Variants in EIPR1 observed in about 807,000 individuals in gnomAD.
EIPR1 encodes EARP and GARP complex-interacting protein 1.
Under a neutral mutation model 48.1 loss-of-function variants are expected in EIPR1, and 25 were observed. The ratio of observed to expected loss-of-function variants is 0.52; its 90% CI spans 0.38 to 0.73. EIPR1 has a LOEUF of 0.73. Among genes scored for constraint, EIPR1 ranks in the 30% least tolerant of loss-of-function variants. EIPR1 has a pLI of 0.00. For synonymous variants in EIPR1, 204 were observed against 201.9 expected (o/e 1.01, Z -0.09); for missense variants, 415 against 506.2 (o/e 0.82, Z 1.73).
intron 3 of EIPR1, among the ~76,000 whole-genome samples, chr2:3,326,666 C>T (rs1438114456): frequency 1.3e-5 from 2 of 152,192 alleles, no homozygotes; most frequent in East Asian, 1.9e-4. Context: ...GCGTCACACA[C>T]ATTTCACTTC....
chr2:3,364,311 C>A (rs1331719229), intron 1 of EIPR1, among the ~76,000 whole-genome samples: 3 of 152,154 alleles, frequency 2.0e-5, no homozygotes, highest in Non-Finnish European at 4.4e-5. Context: ...TATACATACA[C>A]AGTGAAATAT....
At chr2:3,194,739 G>GCTAT (rs947737628) in intron 6 of EIPR1, among the ~76,000 whole-genome samples, 5 of 151,960 alleles carry the variant, frequency 3.3e-5, no homozygotes, top group East Asian at 3.9e-4. Flanking sequence ...GAAGGGGCCG[G>GCTAT]CTATCTATCT....
At chr2:3,375,358 T>G (rs1254622597) in intron 1 of EIPR1, among the ~76,000 whole-genome samples, 1 of 151,204 alleles carries the variant, frequency 6.6e-6, no homozygotes, top group Non-Finnish European at 1.5e-5. Flanking sequence ...TGTGCACATG[T>G]ACCTTAAAAC....
intron 1 of EIPR1, among the ~76,000 whole-genome samples, chr2:3,357,326 A>G (rs1182922395): frequency 2.6e-5 from 4 of 152,234 alleles, no homozygotes; most frequent in Non-Finnish European, 5.9e-5. Flanking sequence ...TCCACCAGTA[A>G]CAATGGCAGC....
chr2:3,318,745 G>A (rs557285067), intron 3 of EIPR1: 15 of 432,142 alleles, frequency 3.5e-5, no homozygotes, highest in African/African-American at 1.2e-4. Flanking sequence ...CTCACACACC[G>A]TTCCAAACTC....
At chr2:3,232,632 A>G (rs1227271411) in intron 4 of EIPR1, among the ~76,000 whole-genome samples, 2 of 152,186 alleles carry the variant, frequency 1.3e-5, no homozygotes, top group Non-Finnish European at 2.9e-5. Context: ...TTCACTGAGC[A>G]CAGGCCAGTT....
At chr2:3,333,749 CAAAAA>C (rs769152280) in intron 3 of EIPR1, among the ~76,000 whole-genome samples, 2 of 72,396 alleles carry the variant, frequency 2.8e-5, no homozygotes, top group Middle Eastern at 8.5e-3. Flanking sequence ...ACCCTACCTC[CAAAAA>C]AAAAAAAAAA....
intron 1 of EIPR1, among the ~76,000 whole-genome samples, chr2:3,372,557 A>G (rs1412069291): frequency 2.0e-5 from 3 of 152,216 alleles, no homozygotes; most frequent in African/African-American, 7.2e-5. Flanking sequence ...TATCACCACC[A>G]ATCCCACAGA....
At chr2:3,267,713 T>A (rs1186639807) in intron 3 of EIPR1, among the ~76,000 whole-genome samples, 1 of 152,042 alleles carries the variant, frequency 6.6e-6, no homozygotes, top group Non-Finnish European at 1.5e-5. Flanking sequence ...GGGGCCAACA[T>A]GCTGTGCCCA....
At chr2:3,377,577 A>C (rs1659937701) in intron 1 of EIPR1, 71 bp downstream of exon 1, 23 of 1,537,528 alleles carry the variant, frequency 1.5e-5, no homozygotes, top group Non-Finnish European at 2.0e-5. Context: ...TGCAAACCGA[A>C]GTCACCATGG....
intron 3 of EIPR1, among the ~76,000 whole-genome samples, chr2:3,261,268 A>G (rs1255862836): frequency 6.6e-6 from 1 of 152,200 alleles, no homozygotes; most frequent in African/African-American, 2.4e-5. Flanking sequence ...CAAGGAGAGT[A>G]CTGCCTGCCT....
At chr2:3,354,736 A>C in intron 1 of EIPR1, 103 bp from the exon 2 acceptor site, 1 of 1,135,262 alleles carries the variant, frequency 8.8e-7, no homozygotes, top group Non-Finnish European at 1.3e-6. Context: ...ACTGTTGATA[A>C]AGTATAAATT....
At chr2:3,376,117 A>T (rs1327042256) in intron 1 of EIPR1, among the ~76,000 whole-genome samples, 1 of 151,682 alleles carries the variant, frequency 6.6e-6, no homozygotes, top group Non-Finnish European at 1.5e-5. Flanking sequence ...TCTACAAAGG[A>T]AAAAAAAGGA....
At chr2:3,337,107 G>A (rs1054221337) in intron 3 of EIPR1, among the ~76,000 whole-genome samples, 1 of 142,598 alleles carries the variant, frequency 7.0e-6, no homozygotes, top group African/African-American at 2.6e-5. Flanking sequence ...AAAAGGGAAA[G>A]AGATGGGAAA....
intron 4 of EIPR1, among the ~76,000 whole-genome samples, chr2:3,243,740 C>T (rs1666710446): frequency 6.6e-6 from 1 of 152,152 alleles, no homozygotes; most frequent in African/African-American, 2.4e-5. Flanking sequence ...AAAACAACGG[C>T]CCTAATCACC....
At chr2:3,295,849 T>G (rs75599473) in intron 3 of EIPR1, among the ~76,000 whole-genome samples, 1 of 91,158 alleles carries the variant, frequency 1.1e-5, no homozygotes, top group East Asian at 3.8e-4. Flanking sequence ...ACACACACCC[T>G]CCATCCAGCC....
At chr2:3,205,703 T>A (rs1475492165) in intron 5 of EIPR1, among the ~76,000 whole-genome samples, 2 of 152,192 alleles carry the variant, frequency 1.3e-5, no homozygotes, top group Admixed American at 6.5e-5. Context: ...GGAATTCCAG[T>A]CCCAGCTTTG....
chr2:3,339,937 G>A (rs529694903), intron 2 of EIPR1, among the ~76,000 whole-genome samples: 2 of 152,334 alleles, frequency 1.3e-5, no homozygotes, highest in South Asian at 2.1e-4. Flanking sequence ...GCGACAGAGC[G>A]AGACTCCGTC....
chr2:3,335,547 G>C (rs1365554095), intron 3 of EIPR1, among the ~76,000 whole-genome samples: 1 of 152,100 alleles, frequency 6.6e-6, no homozygotes, highest in Non-Finnish European at 1.5e-5. Flanking sequence ...GTAACAACAA[G>C]CACAGCGTCT....
Sources: allele counts gnomAD v4.1 joint callset (sites outside exome capture counted in the v4.1 genomes callset), GRCh38; gene constraint gnomAD v4.1.1; transcripts MANE v1.5; gene names NCBI Gene and HGNC (gene_info 2026-07-23, HGNC 2026-07-21).